Variants in ADARB2 observed in about 807,000 individuals in gnomAD.
ADARB2 encodes adenosine deaminase RNA specific B2 (inactive), also known as inactive double-stranded RNA-specific editase B2.
A neutral mutation model predicts 62.2 loss-of-function variants in ADARB2; 25 were observed. The ratio of observed to expected loss-of-function variants is 0.40; its 90% confidence interval spans 0.29 to 0.56. The LOEUF (loss-of-function observed/expected upper bound fraction) is 0.56, where lower values mean the gene tolerates loss of function less well. Ranked by LOEUF, ADARB2 falls within the 20% of genes least tolerant of loss-of-function variation. ADARB2 has a pLI of 0.43. For missense variants in ADARB2, 1,071 were observed against 1,077.4 expected (o/e 0.99, Z 0.08); for synonymous variants, 572 against 500.8 (o/e 1.14, Z -1.90).
chr10:1,345,143 G>T (rs1243272278), intron 3 of ADARB2, among the ~76,000 whole-genome samples: 1 of 152,080 alleles, frequency 6.6e-6, no homozygotes, highest in African/African-American at 2.4e-5. Context: ...AGCCTGGGGG[G>T]TGAGGATGCT....
chr10:1,405,182 A>G (rs753784689), intron 1 of ADARB2, among the ~76,000 whole-genome samples: 1 of 152,212 alleles, frequency 6.6e-6, no homozygotes, highest in Non-Finnish European at 1.5e-5. Flanking sequence ...AGATGCAGTA[A>G]GAGGCTCAGT....
At chr10:1,318,184 A>G (rs1366610507) in intron 3 of ADARB2, among the ~76,000 whole-genome samples, 2 of 152,248 alleles carry the variant, frequency 1.3e-5, no homozygotes, top group Admixed American at 6.5e-5. Flanking sequence ...CAGTAACACA[A>G]TCAATCAAAT....
At chr10:1,361,421 T>C (rs1361519298) in intron 3 of ADARB2, 1 of 152,182 alleles carries the variant, frequency 6.6e-6, no homozygotes, top group African/African-American at 2.4e-5. Flanking sequence ...TTTACTTACA[T>C]TGTGTTTTTA....
At chr10:1,478,301 C>G (rs1161830183) in intron 1 of ADARB2, among the ~76,000 whole-genome samples, 2 of 152,174 alleles carry the variant, frequency 1.3e-5, no homozygotes, top group Non-Finnish European at 2.9e-5. Flanking sequence ...GGGGGTGGGT[C>G]TTCTGTGTCT....
chr10:1,630,466 TA>T (rs1323421764), intron 1 of ADARB2, among the ~76,000 whole-genome samples: 1 of 152,068 alleles, frequency 6.6e-6, no homozygotes, highest in Non-Finnish European at 1.5e-5. Flanking sequence ...CTGGTTACAG[TA>T]AACTCTCTAT....
chr10:1,401,491 C>T (rs912893921), intron 1 of ADARB2, among the ~76,000 whole-genome samples: 34 of 152,278 alleles, frequency 2.2e-4, no homozygotes, highest in African/African-American at 7.7e-4. Context: ...TCGGGGCCTC[C>T]GGTGATGGTC....
intron 4 of ADARB2, among the ~76,000 whole-genome samples, chr10:1,246,750 A>G (rs1589164579): frequency 1.4e-5 from 2 of 146,702 alleles, no homozygotes; most frequent in Admixed American, 6.8e-5. Context: ...GCCTTGTAAT[A>G]TAGTTTGAAG....
intron 1 of ADARB2, among the ~76,000 whole-genome samples, chr10:1,462,803 A>G (rs1831195212): frequency 6.6e-6 from 1 of 151,264 alleles, no homozygotes; most frequent in South Asian, 2.1e-4. Context: ...ATGTGTATGT[A>G]CATGTGTGTG....
chr10:1,314,919 ATTTAT>A (rs1386450035), intron 3 of ADARB2, among the ~76,000 whole-genome samples: 1 of 152,132 alleles, frequency 6.6e-6, no homozygotes, highest in Non-Finnish European at 1.5e-5. Context: ...ATTCCCCAGA[ATTTAT>A]TTTATTATCC....
chr10:1,583,703 C>A (rs1259388309), intron 1 of ADARB2, among the ~76,000 whole-genome samples: 1 of 152,182 alleles, frequency 6.6e-6, no homozygotes, highest in Non-Finnish European at 1.5e-5. Context: ...AAAATCTGAG[C>A]AAGTGATGTT....
chr10:1,451,464 T>C (rs1831037019), intron 1 of ADARB2, among the ~76,000 whole-genome samples: 1 of 152,142 alleles, frequency 6.6e-6, no homozygotes, highest in East Asian at 1.9e-4. Context: ...GACAGCAGGA[T>C]GACAGCCACC....
chr10:1,600,478 T>C (rs899679847), intron 1 of ADARB2, among the ~76,000 whole-genome samples: 1 of 151,966 alleles, frequency 6.6e-6, no homozygotes, highest in African/African-American at 2.4e-5. Context: ...CTGGTCAACA[T>C]GGCGAAAGCC....
intron 3 of ADARB2, among the ~76,000 whole-genome samples, chr10:1,284,746 G>A (rs181358550): frequency 8.1e-4 from 123 of 152,288 alleles, no homozygotes; most frequent in Admixed American, 1.4e-3. Flanking sequence ...CTCTTTTGAG[G>A]TGGATTCCCA....
intron 6 of ADARB2, among the ~76,000 whole-genome samples, chr10:1,227,127 C>G (rs1426791305): frequency 6.6e-6 from 1 of 152,242 alleles, no homozygotes; most frequent in African/African-American, 2.4e-5. Context: ...CTCCCCCAGC[C>G]TCACTGCCGC....
At chr10:1,465,802 G>C (rs1831247549) in intron 1 of ADARB2, among the ~76,000 whole-genome samples, 1 of 152,228 alleles carries the variant, frequency 6.6e-6, no homozygotes, top group Non-Finnish European at 1.5e-5. Flanking sequence ...CCCGAAGAGT[G>C]GTGTGGGGCC....
intron 3 of ADARB2, among the ~76,000 whole-genome samples, chr10:1,275,533 T>A (rs1301509099): frequency 6.6e-6 from 1 of 151,792 alleles, no homozygotes; most frequent in Non-Finnish European, 1.5e-5. Context: ...TTAATTTAAG[T>A]TTTAGGGTAC....
Position 1,444,281 on chromosome 10 carries a change from A to ACATC in ADARB2, c.101-65125_101-65122dup, listed in dbSNP as rs200737452. The stretch of plus-strand genomic sequence containing the variant: ...ACCATCCATCTATTTCCATCTATCT[A>ACATC]CATCCATCCATCCATCCATCCATCC... On this transcript the variant is annotated intron_variant, in intron 1 of 9. Coordinates refer to ENST00000381312, the MANE Select transcript of ADARB2 (RefSeq NM_018702.4). Among the ~76,000 whole-genome samples, 567 of 117,644 alleles carry ACATC rather than the reference A, an allele frequency of 4.8e-3. 8 individuals carry two copies. Among genetic ancestry groups the ACATC allele is most frequent in the African/African-American group, 0.016 (362 of 23,196 alleles). The allele number at this position is 117,644 out of a possible 152,430, so 77.2% of individuals were successfully genotyped here. A position where few individuals can be genotyped will look rare whatever the true frequency, so the allele number is the denominator to read the frequency against.
At chr10:1,711,651 T>C (rs1834950006) in intron 1 of ADARB2, among the ~76,000 whole-genome samples, 1 of 152,152 alleles carries the variant, frequency 6.6e-6, no homozygotes, top group Non-Finnish European at 1.5e-5. Flanking sequence ...AGGAACACAG[T>C]TGTGTCTTGT....
intron 6 of ADARB2, among the ~76,000 whole-genome samples, chr10:1,229,443 C>T (rs1424061504): frequency 6.6e-6 from 1 of 152,158 alleles, no homozygotes; most frequent in Non-Finnish European, 1.5e-5. Context: ...CTAGAAACCC[C>T]AAGTCAGACT....
Sources: gnomAD v4.1 joint callset for allele counts (sites outside exome capture counted in the v4.1 genomes callset) on GRCh38, gnomAD v4.1.1 for gene constraint, MANE v1.5 for transcripts, NCBI Gene and HGNC (gene_info 2026-07-23, HGNC 2026-07-21) for gene names.